Variants in CWC27 observed in about 807,000 individuals in gnomAD.
The protein encoded by CWC27 is spliceosome-associated protein CWC27 homolog.
CWC27 carries 47 observed loss-of-function variants against 63.6 expected under a neutral mutation model. The ratio of observed to expected loss-of-function variants is 0.74; its 90% confidence interval spans 0.58 to 0.94. The LOEUF is 0.94. Ranked by LOEUF, CWC27 falls within the 40% of genes least tolerant of loss-of-function variation. The probability of loss-of-function intolerance (pLI) is 0.00; values close to 1 mark genes in which losing one functional copy is unlikely to be tolerated. For synonymous variants in CWC27, 175 were observed against 179.8 expected (o/e 0.97, Z 0.22); for missense variants, 495 against 554.3 (o/e 0.89, Z 1.07).
chr5:64,916,299 C>G (rs1053927146), intron 11 of CWC27, among the ~76,000 whole-genome samples: 1 of 152,040 alleles, frequency 6.6e-6, no homozygotes, highest in African/African-American at 2.4e-5. Flanking sequence ...TTTTCAAAAG[C>G]CAATGGAGTA....
intron 10 of CWC27, among the ~76,000 whole-genome samples, chr5:64,869,202 G>A (rs928984439): frequency 2.0e-5 from 3 of 152,050 alleles, no homozygotes; most frequent in African/African-American, 7.2e-5. Flanking sequence ...AAGAACAGTA[G>A]AGGTATATGT....
At chr5:64,993,826 C>G (rs1271768718) in intron 13 of CWC27, among the ~76,000 whole-genome samples, 2 of 152,094 alleles carry the variant, frequency 1.3e-5, no homozygotes, top group Non-Finnish European at 2.9e-5. Context: ...CATATGGCAA[C>G]GAAGCCAGTG....
chr5:64,786,438 C>A, intron 5 of CWC27, 86 bp from the exon 6 acceptor site: 1 of 727,060 alleles, frequency 1.4e-6, no homozygotes, highest in Non-Finnish European at 2.2e-6. Context: ...AATATAGACA[C>A]TATACCACTG....
intron 11 of CWC27, among the ~76,000 whole-genome samples, chr5:64,909,894 G>A (rs1432305646): frequency 6.6e-6 from 1 of 152,134 alleles, no homozygotes; most frequent in Non-Finnish European, 1.5e-5. Flanking sequence ...GCTCAGAGAA[G>A]TTTGTTATTA....
Position 64,781,916 on chromosome 5 carries a change from T to TC in CWC27, c.140-5_140-4insC. On this transcript the variant is annotated splice_region_variant and splice_polypyrimidine_tract_variant and intron_variant, in intron 2 of 13. Transcript: ENST00000381070. Reference sequence around the variant, plus strand: ...ATTGATAAATTATTTTTATTTTTTTTTCAGCTTATTATGACAATACCATTT... The same window carrying TC: ...ATTGATAAATTATTTTTATTTTTTTTCTCAGCTTATTATGACAATACCATTT... 1 of 1,461,228 alleles carries TC rather than the reference T, an allele frequency of 6.8e-7. No homozygotes were observed. The highest frequency in any genetic ancestry group is 9.5e-7 in the Non-Finnish European group (1 of 1,055,736). The allele number at this position is 1,461,228 out of a possible 1,614,324, so 90.5% of individuals were successfully genotyped here.
chr5:65,015,827 T>C (rs972051718), intron 13 of CWC27, among the ~76,000 whole-genome samples: 1 of 152,186 alleles, frequency 6.6e-6, no homozygotes, highest in African/African-American at 2.4e-5. Flanking sequence ...AGGAATTGTT[T>C]AGGGGCAGCT....
chr5:64,849,792 T>C (rs1215193257), intron 10 of CWC27, among the ~76,000 whole-genome samples: 4 of 152,164 alleles, frequency 2.6e-5, no homozygotes, highest in Admixed American at 6.5e-5. Context: ...TAAAAGTGTG[T>C]GGCAGTTCTC....
At chr5:64,840,387 AAAAAAAAATATAT>A (rs1745787775) in intron 10 of CWC27, among the ~76,000 whole-genome samples, 4 of 52,924 alleles carry the variant, frequency 7.6e-5, no homozygotes, top group African/African-American at 3.2e-4. Flanking sequence ...AAAAAAAAAA[AAAAAAAAATATAT>A]ATATATATAT....
At chr5:64,867,212 C>A (rs943199464) in intron 10 of CWC27, among the ~76,000 whole-genome samples, 4 of 152,102 alleles carry the variant, frequency 2.6e-5, no homozygotes, top group Non-Finnish European at 5.9e-5. Flanking sequence ...ACAGCTAGTG[C>A]GGTGTTGAGC....
intron 13 of CWC27, among the ~76,000 whole-genome samples, chr5:64,988,904 T>C (rs1302413360): frequency 6.6e-6 from 1 of 152,196 alleles, no homozygotes; most frequent in Non-Finnish European, 1.5e-5. Context: ...ACGCCAAGCC[T>C]AGACTATCTT....
At chr5:64,812,446 A>G (rs570585837) in intron 10 of CWC27, among the ~76,000 whole-genome samples, 1 of 152,262 alleles carries the variant, frequency 6.6e-6, no homozygotes, top group South Asian at 2.1e-4. Context: ...AAGGAAGAGA[A>G]ATAGAAATCC....
intron 11 of CWC27, among the ~76,000 whole-genome samples, chr5:64,927,498 A>G (rs1315298079): frequency 2.6e-5 from 4 of 151,922 alleles, no homozygotes; most frequent in African/African-American, 7.3e-5. Context: ...TCTACCACCA[A>G]ACTTCTGTTT....
At chr5:64,916,899 AGT>A (rs1747900026) in intron 11 of CWC27, among the ~76,000 whole-genome samples, 1 of 151,020 alleles carries the variant, frequency 6.6e-6, no homozygotes, top group Non-Finnish European at 1.5e-5. Flanking sequence ...TAGTAGTAGT[AGT>A]AGTAGTAGTA....
chr5:64,840,765 T>C (rs886970761), intron 10 of CWC27, among the ~76,000 whole-genome samples: 2 of 152,078 alleles, frequency 1.3e-5, no homozygotes, highest in Non-Finnish European at 2.9e-5. Flanking sequence ...ATATGAACAG[T>C]GGATTAGAAG....
chr5:64,931,426 T>C (rs931193158), intron 11 of CWC27, among the ~76,000 whole-genome samples: 2 of 151,946 alleles, frequency 1.3e-5, no homozygotes, highest in Non-Finnish European at 2.9e-5. Context: ...AATAGAAATA[T>C]TAAAATTAGT....
intron 10 of CWC27, among the ~76,000 whole-genome samples, chr5:64,826,710 T>TTTTTTTTTTTTTTTTTTTTTTTA: frequency 6.6e-6 from 1 of 151,704 alleles, no homozygotes; most frequent in African/African-American, 2.4e-5. Flanking sequence ...TTTGTTTTTT[T>TTTTTTTTTTTTTTTTTTTTTTTA]TTTTTGCTAA....
At chr5:65,015,289 G>C (rs1267809828) in intron 13 of CWC27, among the ~76,000 whole-genome samples, 2 of 152,114 alleles carry the variant, frequency 1.3e-5, no homozygotes, top group African/African-American at 2.4e-5. Flanking sequence ...TACTAGAAAT[G>C]GATATTACAG....
intron 11 of CWC27, among the ~76,000 whole-genome samples, chr5:64,896,907 A>C (rs567503686): frequency 6.6e-6 from 1 of 152,290 alleles, no homozygotes; most frequent in South Asian, 2.1e-4. Context: ...TGTGAGAAAC[A>C]TCTTCAAAAT....
In CWC27 at chr5:64,933,406, G is replaced by A. The variant is rs563227080; in HGVS notation, c.1043-38297G>A. Among the ~76,000 whole-genome samples, 23 of 151,898 alleles carry A rather than the reference G, an allele frequency of 1.5e-4. No homozygotes were observed. The South Asian group carries it at 2.5e-3, about 16-fold the overall frequency. ...AATGAACTCATATATCTTTTACCTC[G>A]ATTTGCCAGTCATTTACATTTTTTA... On this transcript the variant is annotated intron_variant, in intron 11 of 13. Transcript: ENST00000381070.
Sources: gnomAD v4.1 joint callset for allele counts (sites outside exome capture counted in the v4.1 genomes callset) on GRCh38, gnomAD v4.1.1 for gene constraint, MANE v1.5 for transcripts, NCBI Gene and HGNC (gene_info 2026-07-23, HGNC 2026-07-21) for gene names.